Variants in RSRC1 observed in about 807,000 individuals in gnomAD.
RSRC1 encodes serine/Arginine-related protein 53.
In RSRC1, 39 loss-of-function variants were observed where a neutral mutation model predicts 49.1. The observed-to-expected ratio is 0.79, with a 90% CI of 0.61 to 1.04. The LOEUF is 1.04. Among genes scored for constraint, RSRC1 ranks in the 50% least tolerant of loss-of-function variants. RSRC1 has a pLI of 0.00. For synonymous variants in RSRC1, 143 were observed against 130.8 expected, an observed-to-expected ratio of 1.09 and a Z score of -0.63; for missense variants, 388 against 402.4, an observed-to-expected ratio of 0.96 and a Z score of 0.31.
chr3:158,393,247 A>G (rs2108296931), intron 6 of RSRC1, among the ~76,000 whole-genome samples: 1 of 152,196 alleles, frequency 6.6e-6, no homozygotes, highest in Admixed American at 6.6e-5. Context: ...CTAGCATCAC[A>G]TGTAGAAGAA....
At chr3:158,513,195 G>C (rs1262129214) in intron 7 of RSRC1, among the ~76,000 whole-genome samples, 1 of 149,514 alleles carries the variant, frequency 6.7e-6, no homozygotes, top group Non-Finnish European at 1.5e-5. Context: ...TCTTGTGCCA[G>C]TTTTCAAAGG....
intron 5 of RSRC1, among the ~76,000 whole-genome samples, chr3:158,354,317 A>G (rs1196085412): frequency 1.3e-5 from 2 of 152,074 alleles, no homozygotes; most frequent in South Asian, 2.1e-4. Flanking sequence ...ATTGTTATCA[A>G]CTATATTGAA....
intron 6 of RSRC1, among the ~76,000 whole-genome samples, chr3:158,456,912 T>C (rs1470977048): frequency 6.6e-6 from 1 of 152,130 alleles, no homozygotes; most frequent in African/African-American, 2.4e-5. Context: ...AAATGGTATG[T>C]GAAGGATTTT....
intron 5 of RSRC1, among the ~76,000 whole-genome samples, chr3:158,324,475 A>G (rs1728954742): frequency 6.6e-6 from 1 of 152,082 alleles, no homozygotes; most frequent in East Asian, 1.9e-4. Context: ...GAGTGAGAAC[A>G]TGAGGTGTTT....
At chr3:158,421,595 G>A (rs898749739) in intron 6 of RSRC1, among the ~76,000 whole-genome samples, 1 of 151,826 alleles carries the variant, frequency 6.6e-6, no homozygotes, top group Non-Finnish European at 1.5e-5. Context: ...AGGATTAATG[G>A]TTGTGAGAAG....
rs371108515 is a variant in RSRC1 at position 158,229,045 on chromosome 3, CAT to C, written c.494+25802_494+25803del. Among the ~76,000 whole-genome samples, 49 of 116,596 alleles carry C rather than the reference CAT, an allele frequency of 4.2e-4. 7 individuals are homozygous for C. The highest frequency in any genetic ancestry group is 3.2e-3 in the East Asian group (11 of 3,408). 76.5% of individuals were successfully genotyped at this position (116,596 alleles called of 152,430 possible). Reference sequence around the variant, plus strand: ...ACGTGTATATGTGTGTATAAACACACATACGTGTATATGTGTGTATAAACACG... The same window carrying C: ...ACGTGTATATGTGTGTATAAACACACACGTGTATATGTGTGTATAAACACG... On this transcript the variant is annotated intron_variant, in intron 4 of 9. Transcript: ENST00000611884.
At position 158,198,521 on chromosome 3, in the gene RSRC1, A is replaced by G. The variant is rs889783311; in HGVS notation, c.321-4551A>G. 1.1e-3 allele frequency among the ~76,000 whole-genome samples: 168 copies of G among 152,054 alleles called. 1 individual carries two copies. The highest frequency in any genetic ancestry group is 1.9e-3 in the Non-Finnish European group (132 of 68,016). The stretch of plus-strand genomic sequence containing the variant: ...GTTAATATTGTTATGTGTGAATTTG[A>G]TCCTGTCATTATGATGTTAGCTGGT... On this transcript the variant is annotated intron_variant, in intron 3 of 9. Transcript: ENST00000611884.
At chr3:158,229,919 T>C (rs698990) in intron 4 of RSRC1, among the ~76,000 whole-genome samples, 93,158 of 151,732 alleles carry the variant, frequency 0.61, 28,974 homozygotes, top group East Asian at 0.73. Context: ...ATTTAACATT[T>C]GTACAATATG....
intron 6 of RSRC1, among the ~76,000 whole-genome samples, chr3:158,396,742 C>T (rs1273174577): frequency 2.0e-5 from 3 of 152,054 alleles, no homozygotes; most frequent in Non-Finnish European, 4.4e-5. Flanking sequence ...TATATGGAAG[C>T]CACTTTCACC....
intron 7 of RSRC1, among the ~76,000 whole-genome samples, chr3:158,473,297 A>G (rs1738220229): frequency 6.6e-6 from 1 of 152,208 alleles, no homozygotes; most frequent in Non-Finnish European, 1.5e-5. Flanking sequence ...GATAAAGAAA[A>G]TGTGGCACAT....
intron 5 of RSRC1, among the ~76,000 whole-genome samples, chr3:158,327,802 T>C (rs1227052872): frequency 2.0e-5 from 3 of 152,184 alleles, no homozygotes; most frequent in African/African-American, 7.2e-5. Flanking sequence ...ACTTTCTGTC[T>C]TGTTGATCTG....
At chr3:158,169,108 C>T (rs1338150103) in intron 3 of RSRC1, among the ~76,000 whole-genome samples, 1 of 152,128 alleles carries the variant, frequency 6.6e-6, no homozygotes, top group Admixed American at 6.6e-5. Context: ...GTGATGCTGC[C>T]TTTCCCTTTT....
At chr3:158,240,575 C>T (rs60467343) in intron 4 of RSRC1, among the ~76,000 whole-genome samples, 11,685 of 152,102 alleles carry the variant, frequency 0.077, 540 homozygotes, top group South Asian at 0.13. Flanking sequence ...GAGATTTACG[C>T]GTAATTTTTC....
At chr3:158,176,724 A>C (rs929236624) in intron 3 of RSRC1, among the ~76,000 whole-genome samples, 1 of 152,242 alleles carries the variant, frequency 6.6e-6, no homozygotes, top group African/African-American at 2.4e-5. Flanking sequence ...ACCATTCAGG[A>C]TATAGGCATG....
At chr3:158,128,343 C>A (rs773607767) in intron 3 of RSRC1, among the ~76,000 whole-genome samples, 1 of 152,130 alleles carries the variant, frequency 6.6e-6, no homozygotes, top group Non-Finnish European at 1.5e-5. Context: ...CTTGGCTTTG[C>A]GCTTGCCCGG....
Position 158,410,116 on chromosome 3 carries a change from A to G in RSRC1, c.584-50819A>G, listed in dbSNP as rs543752219. The stretch of plus-strand genomic sequence containing the variant: ...AATTGTAATGAAGTTACTATTTTTT[A>G]AAAAAAGCGGGCAATTTTCTTTGTT... On this transcript the variant is annotated intron_variant, in intron 6 of 9. Coordinates refer to ENST00000611884, the MANE Select transcript of RSRC1 (RefSeq NM_001271838.2). 4.0e-4 allele frequency among the ~76,000 whole-genome samples: 61 copies of G among 152,166 alleles called. 3 individuals carry two copies. The South Asian group carries it at 0.012, about 30-fold the overall frequency.
intron 3 of RSRC1, among the ~76,000 whole-genome samples, chr3:158,154,869 A>G (rs755817728): frequency 9.2e-5 from 14 of 152,194 alleles, no homozygotes; most frequent in East Asian, 1.9e-4. Flanking sequence ...CAGTATTTAC[A>G]GCATCTTCAC....
chr3:158,318,847 G>A (rs1728606433), intron 5 of RSRC1, among the ~76,000 whole-genome samples: 1 of 152,148 alleles, frequency 6.6e-6, no homozygotes, highest in Non-Finnish European at 1.5e-5. Context: ...TTTTTAAGAA[G>A]ATTATAGTGA....
chr3:158,288,240 C>T (rs1726693107), intron 4 of RSRC1, among the ~76,000 whole-genome samples: 1 of 152,146 alleles, frequency 6.6e-6, no homozygotes, highest in Non-Finnish European at 1.5e-5. Context: ...ACTCAGTCTA[C>T]CCAAATACAA....
Sources: allele counts gnomAD v4.1 joint callset (sites outside exome capture counted in the v4.1 genomes callset), GRCh38; gene constraint gnomAD v4.1.1; transcripts MANE v1.5; gene names NCBI Gene and HGNC (gene_info 2026-07-23, HGNC 2026-07-21).